Variants in TTI1 observed in about 807,000 individuals in gnomAD.
The protein encoded by TTI1 is TELO2 interacting protein 1.
TTI1 carries 52 observed loss-of-function variants against 85.4 expected under a neutral mutation model. That is an observed-to-expected ratio of 0.61 (90% CI 0.49 to 0.77). The LOEUF (loss-of-function observed/expected upper bound fraction) is 0.77, where lower values mean the gene tolerates loss of function less well. TTI1 is among the 30% of genes least tolerant of loss of function. The probability of loss-of-function intolerance (pLI) is 0.00; values close to 1 mark genes in which losing one functional copy is unlikely to be tolerated. For missense variants in TTI1, 1,173 were observed against 1,296.0 expected, an observed-to-expected ratio of 0.91 and a Z score of 1.46; for synonymous variants, 512 against 503.9, an observed-to-expected ratio of 1.02 and a Z score of -0.22.
chr20:37,990,718 G>A (rs1031584755), intron 7 of TTI1, among the ~76,000 whole-genome samples: 2 of 152,118 alleles, frequency 1.3e-5, no homozygotes, highest in Non-Finnish European at 2.9e-5. Context: ...CCCTGTGGTC[G>A]ACCACAGCCT....
chr20:37,996,566 C>T (rs1476482579), intron 6 of TTI1, 104 bp from the exon 7 acceptor site: 7 of 1,446,634 alleles, frequency 4.8e-6, no homozygotes, highest in Non-Finnish European at 5.8e-6. Context: ...GCAAGATGCT[C>T]TGGGCTCTCT....
At chr20:38,025,107 TCTC>T (rs1402422697) in intron 1 of TTI1, among the ~76,000 whole-genome samples, 2 of 152,026 alleles carry the variant, frequency 1.3e-5, no homozygotes, top group African/African-American at 4.8e-5. Flanking sequence ...CGGACCCCCT[TCTC>T]CTACCAGGAA....
chr20:38,013,089 A>C lies in TTI1; in HGVS notation c.728T>G (p.Val243Gly). 1 of 1,614,212 alleles carries C rather than the reference A, an allele frequency of 6.2e-7. No homozygotes were observed. Among genetic ancestry groups the C allele is most frequent in the Non-Finnish European group, 8.5e-7 (1 of 1,180,038 alleles). Residue 243 changes from valine to glycine, a missense_variant, in exon 2 of 8, where the codon GTG becomes GGG. Transcript: ENST00000373447. ...VSSLKIFYKT[V>G]SFIMADEQLK... The stretch of plus-strand genomic sequence containing the variant: ...CTGTTCATCAGCCATAATGAAGCTC[A>C]CTGTCTTGTAAAAGATCTTTAGGGA...
rs1220517205 is a variant in TTI1, at chr20:37,996,380, G to A, written c.3081C>T (p.Ala1027=). 1 of 1,614,044 alleles carries A rather than the reference G, an allele frequency of 6.2e-7. No homozygotes were observed. The part of the protein sequence containing the change: ...VKQPVKLQEA[A]RSVFLHLMKV... ...GGGTGATCAGGCAGACGTACCTCCTGGCAGCCTCTTGTAATTTCACGGGCT... is the reference window on the plus strand; with the variant it reads ...GGGTGATCAGGCAGACGTACCTCCTAGCAGCCTCTTGTAATTTCACGGGCT... The change falls in exon 7 of 8, where the codon GCC becomes GCT. Residue 1027 remains alanine (A), a synonymous_variant. Coordinates refer to ENST00000373447, the MANE Select transcript of TTI1 (RefSeq NM_001303457.2).
chr20:37,984,522 T>C (rs1230141476), intron 7 of TTI1, among the ~76,000 whole-genome samples: 1 of 152,226 alleles, frequency 6.6e-6, no homozygotes, highest in African/African-American at 2.4e-5. Flanking sequence ...AGTCTAAGCG[T>C]AAACTTCATA....
In TTI1 at chr20:38,026,999, G is replaced by T. The variant is rs556281527; in HGVS notation, c.-42+6405C>A. On this transcript the variant is annotated intron_variant, in intron 1 of 7. Transcript: ENST00000373447. ...AATACCTAGAGGGACCACTAAAAGG[G>T]CTACATACAAAGAGATATACTCAGA... is the stretch of plus-strand genomic sequence containing the variant. 2.6e-5 allele frequency among the ~76,000 whole-genome samples: 4 copies of T among 152,250 alleles called. No individual in the cohort carries two copies. In the East Asian group the frequency reaches 5.8e-4, roughly 22 times the overall value.
At chr20:38,017,215 C>T (rs1005708789) in intron 1 of TTI1, among the ~76,000 whole-genome samples, 1 of 152,322 alleles carries the variant, frequency 6.6e-6, no homozygotes, top group Middle Eastern at 3.4e-3. Context: ...CCCTCAAAAA[C>T]ATCTGTACAG....
intron 1 of TTI1, 59 bp from the exon 2 acceptor site, chr20:38,013,916 T>C (rs2073643663): frequency 6.7e-7 from 1 of 1,493,152 alleles, no homozygotes. Flanking sequence ...TGAAGTGAAC[T>C]TGCATTCATT....
At position 38,023,947 on chromosome 20, in the gene TTI1, T is replaced by C. The variant is rs184139531; in HGVS notation, c.-42+9457A>G. Among the ~76,000 whole-genome samples the C allele has an allele frequency of 1.1e-3, 160 of 152,306 alleles. No homozygotes were observed. In the South Asian group the frequency reaches 0.011, roughly 11 times the overall value. Reference sequence around the variant, plus strand: ...TGCGGAGGAGGGGAATCAAGGAGACTTCCCATACATATTTCCGGAAATTAC... The same window carrying C: ...TGCGGAGGAGGGGAATCAAGGAGACCTCCCATACATATTTCCGGAAATTAC... On this transcript the variant is annotated intron_variant, in intron 1 of 7. Coordinates refer to ENST00000373447, the MANE Select transcript of TTI1 (RefSeq NM_001303457.2).
At chr20:38,026,004 G>A (rs1180320075) in intron 1 of TTI1, among the ~76,000 whole-genome samples, 11 of 152,148 alleles carry the variant, frequency 7.2e-5, no homozygotes, top group African/African-American at 2.2e-4. Context: ...GGCTGAAAAC[G>A]CCACAAAGTT....
rs1052599696 is a variant in TTI1, at chr20:38,026,712, A to G, written c.-42+6692T>C. On this transcript the variant is annotated intron_variant, in intron 1 of 7. Transcript: ENST00000373447. ...CTAAACAGAAAGAAAATGATAAGAA[A>G]TCCTGGAACATTAAGGGGGAAGAAA... Among the ~76,000 whole-genome samples the G allele has an allele frequency of 3.3e-5, 5 of 152,194 alleles. 1 individual carries two copies. The South Asian group carries it at 8.3e-4, about 25-fold the overall frequency.
intron 4 of TTI1, among the ~76,000 whole-genome samples, chr20:38,000,222 G>A (rs1427367480): frequency 4.6e-5 from 7 of 152,204 alleles, no homozygotes; most frequent in Admixed American, 4.6e-4. Context: ...TGAATGAGAT[G>A]GGGAGCACGC....
At chr20:38,030,047 G>A (rs889823890) in intron 1 of TTI1, among the ~76,000 whole-genome samples, 3 of 152,036 alleles carry the variant, frequency 2.0e-5, no homozygotes, top group Admixed American at 1.3e-4. Context: ...ACAAAGACAG[G>A]GAATACCACA....
At position 38,011,683 on chromosome 20, in the gene TTI1, G is replaced by A; in HGVS notation, c.2134C>T (p.His712Tyr). The A allele has an allele frequency of 3.7e-6, 6 of 1,614,226 alleles. No individual in the cohort carries two copies. The highest frequency in any genetic ancestry group is 1.3e-5 in the African/African-American group (1 of 75,056). Residue 712 changes from histidine (H) to tyrosine (Y), a missense_variant, in exon 2 of 8, where the codon CAT (histidine) becomes TAT (tyrosine). His to Tyr is a moderately conservative substitution (Grantham distance 83, BLOSUM62 2). Transcript: ENST00000373447. ...ISLNLRHLAL[H>Y]PHTPKVLEVM... Reference sequence around the variant, plus strand: ...TCCAGGACCTTTGGGGTATGAGGATGCAGAGCCAGATGACGCAGATTTAAA... The same window carrying A: ...TCCAGGACCTTTGGGGTATGAGGATACAGAGCCAGATGACGCAGATTTAAA...
At position 38,011,747 on chromosome 20, in the gene TTI1, C is replaced by G. The variant is rs377372622; in HGVS notation, c.2070G>C (p.Leu690=). The G allele has an allele frequency of 6.2e-6, 10 of 1,614,178 alleles. No homozygotes were observed. Among genetic ancestry groups the G allele is most frequent in the Non-Finnish European group, 8.5e-6 (10 of 1,180,030 alleles). The change falls in exon 2 of 8, where the codon CTG becomes CTC. Residue 690 remains leucine, a synonymous_variant. Coordinates refer to ENST00000373447, the MANE Select transcript of TTI1 (RefSeq NM_001303457.2). The stretch of plus-strand genomic sequence containing the variant: ...CTAAATAGTCTGAATTTTGATTGAT[C>G]AGGTGCTGCAGGGAGTCGTAGCCAC... ...RACGYDSLQH[L]INQNSDYLVN... is the part of the protein sequence containing the mutation.
chr20:38,010,657 T>C (rs957615714), intron 2 of TTI1, among the ~76,000 whole-genome samples: 1 of 151,722 alleles, frequency 6.6e-6, no homozygotes, highest in Non-Finnish European at 1.5e-5. Context: ...TTTTATTTTT[T>C]AGTAGAGACG....
chr20:38,012,030 G>C lies in TTI1; in HGVS notation c.1787C>G (p.Thr596Arg). The C allele has an allele frequency of 6.2e-7, 1 of 1,614,220 alleles. No homozygotes were observed. Among genetic ancestry groups the C allele is most frequent in the South Asian group, 1.1e-5 (1 of 91,090 alleles). ...MMEHPGLQAI[T>R]SGEHTCQVTS... ...AACTTGGCAGGTGTGTTCACCAGAC[G>C]TGATGGCTTGGAGGCCTGGGTGCTC... is the stretch of plus-strand genomic sequence containing the variant. The change falls in exon 2 of 8, where the codon ACG (threonine) becomes AGG (arginine). Residue 596 changes from threonine to arginine, a missense_variant. Thr to Arg is a moderately conservative substitution (Grantham distance 71). Coordinates refer to ENST00000373447, the MANE Select transcript of TTI1 (RefSeq NM_001303457.2).
rs1362446946 is a variant in TTI1, at chr20:38,013,063, G to A, written c.754C>T (p.Leu252Phe). The A allele has an allele frequency of 3.1e-6, 5 of 1,614,004 alleles. No individual in the cohort carries two copies. The African/African-American group carries it at 5.3e-5, about 17-fold the overall frequency. Residue 252 changes from leucine (L) to phenylalanine (F), a missense_variant, in exon 2 of 8, where the codon CTC becomes TTC. Coordinates refer to ENST00000373447, the MANE Select transcript of TTI1 (RefSeq NM_001303457.2). ...TVSFIMADEQ[L>F]KRISKVQAKP... ...GCTTGGACCTTTGAGATTCTTTTGA[G>A]CTGTTCATCAGCCATAATGAAGCTC...
rs754326605 is a variant in TTI1, at chr20:38,012,746, A to C, written c.1071T>G (p.His357Gln). The change falls in exon 2 of 8, where the codon CAT (histidine) becomes CAG (glutamine). Residue 357 changes from histidine (H) to glutamine (Q), a missense_variant. Coordinates refer to ENST00000373447, the MANE Select transcript of TTI1 (RefSeq NM_001303457.2). ...IQAQCNKVLR[H>Q]FADQKVVVGN... Reference sequence around the variant, plus strand: ...CCACCACTACTTTTTGATCTGCAAAATGTCTCAGAACTTTATTGCACTGGG... The same window carrying C: ...CCACCACTACTTTTTGATCTGCAAACTGTCTCAGAACTTTATTGCACTGGG... 6.2e-7 allele frequency: 1 copy of C among 1,614,210 alleles called. No homozygotes were observed.
Sources: allele counts gnomAD v4.1 joint callset (sites outside exome capture counted in the v4.1 genomes callset), GRCh38; gene constraint gnomAD v4.1.1; transcripts MANE v1.5; gene names NCBI Gene and HGNC (gene_info 2026-07-23, HGNC 2026-07-21).